The following BDNF variants were observed in gnomAD, a reference collection of about 807,000 sequenced individuals.
BDNF encodes neurotrophic factor BDNF precursor form.
BDNF carries 1 observed loss-of-function variant against 19.5 expected under a neutral mutation model. The ratio of observed to expected loss-of-function variants is 0.05; its 90% CI spans 0.02 to 0.24. The LOEUF (loss-of-function observed/expected upper bound fraction) is 0.24. Ranked by LOEUF, BDNF falls within the 10% of genes least tolerant of loss-of-function variation. BDNF has a pLI of 1.00. For synonymous variants in BDNF, 100 were observed against 121.6 expected (o/e 0.82, Z 1.17); for missense variants, 195 against 317.6 (o/e 0.61, Z 2.93).
chr11:27,696,852 C>G (rs896499995), intron 1 of BDNF, among the ~76,000 whole-genome samples: 23 of 152,166 alleles, frequency 1.5e-4, no homozygotes, highest in African/African-American at 5.1e-4. Context: ...ATTATGGGCA[C>G]CTGAAATGGG....
intron 1 of BDNF, chr11:27,674,357 A>G (rs1855815132): frequency 6.5e-7 from 1 of 1,528,408 alleles, no homozygotes; most frequent in Admixed American, 2.0e-5. Flanking sequence ...AAAGCACAGG[A>G]AAGTGCTCAT....
At chr11:27,699,380 A>C (rs1590455841) in intron 1 of BDNF, 8 of 1,614,004 alleles carry the variant, frequency 5.0e-6, no homozygotes, top group Non-Finnish European at 6.8e-6. Flanking sequence ...TAACTCACTC[A>C]CCCATTCCTC....
upstream of BDNF, chr11:27,701,448 C>T: frequency 9.8e-6 from 10 of 1,021,004 alleles, no homozygotes; most frequent in Non-Finnish European, 1.2e-5. Context: ...CCGGTATGTA[C>T]TCCTTCTGTT....
In BDNF at chr11:27,667,565, G is replaced by T. The variant is rs149234325; in HGVS notation, c.-21-8980C>A. ...GCACATAGGCTCAAAATAAAGGGAT[G>T]GAGGAAGATCTACCAAGGAAATGGA... On this transcript the variant is annotated intron_variant, in intron 1 of 1. Coordinates refer to ENST00000356660, the MANE Select transcript of BDNF (RefSeq NM_001709.5). Among the ~76,000 whole-genome samples, 817 of 152,252 alleles carry T rather than the reference G, an allele frequency of 5.4e-3. 3 individuals are homozygous for T. The highest frequency in any genetic ancestry group is 0.018 in the African/African-American group (727 of 41,534).
chr11:27,688,809 C>A (rs1278972262), intron 1 of BDNF, among the ~76,000 whole-genome samples: 1 of 152,222 alleles, frequency 6.6e-6, no homozygotes, highest in African/African-American at 2.4e-5. Context: ...CACCCACCTT[C>A]TGCATTGATC....
chr11:27,712,927 C>CTTTTTT (rs112937534), intron 1 of BDNF, among the ~76,000 whole-genome samples: 1 of 117,278 alleles, frequency 8.5e-6, no homozygotes, highest in Non-Finnish European at 1.8e-5. Context: ...TTCTTTCTTT[C>CTTTTTT]TTTTTTTTTT....
chr11:27,701,086 G>C (rs1859872210), upstream of BDNF: 1 of 1,326,416 alleles, frequency 7.5e-7, no homozygotes. Context: ...CTTAAACAGA[G>C]TTCGCGCACT....
chr11:27,720,009 T>C (rs1860687726), intron 1 of BDNF, among the ~76,000 whole-genome samples: 2 of 151,988 alleles, frequency 1.3e-5, no homozygotes. Context: ...GTAATGAATC[T>C]ACTGTACACA....
chr11:27,713,030 C>T (rs1413877208), intron 1 of BDNF, among the ~76,000 whole-genome samples: 2 of 149,812 alleles, frequency 1.3e-5, no homozygotes, highest in Admixed American at 6.7e-5. Flanking sequence ...ACCTCAGCCT[C>T]CCAAGTAGCT....
chr11:27,700,297 T>G lies in BDNF; in HGVS notation c.-155A>C. On this transcript the variant is annotated 5_prime_UTR_variant, in exon 1 of 2. Transcript: ENST00000356660. Reference sequence around the variant, plus strand: ...CGGCCCCACAGCAGCGGTGGGTGTCTCATTAAAGCCCCCCGAGCAGGAGGT... The same window carrying G: ...CGGCCCCACAGCAGCGGTGGGTGTCGCATTAAAGCCCCCCGAGCAGGAGGT... 1.0e-6 allele frequency: 1 copy of G among 984,802 alleles called. No individual in the cohort carries two copies. The highest frequency in any genetic ancestry group is 1.2e-6 in the Non-Finnish European group (1 of 829,774). 61.0% of individuals were successfully genotyped at this position (984,802 alleles called of 1,614,324 possible).
At chr11:27,672,900 C>A (rs892338857) in intron 1 of BDNF, among the ~76,000 whole-genome samples, 1 of 152,124 alleles carries the variant, frequency 6.6e-6, no homozygotes. Flanking sequence ...ACTGTTCAGG[C>A]TTTTTACGAA....
At chr11:27,714,523 T>A (rs1452004000) in intron 1 of BDNF, among the ~76,000 whole-genome samples, 1 of 152,160 alleles carries the variant, frequency 6.6e-6, no homozygotes, top group Non-Finnish European at 1.5e-5. Flanking sequence ...AAATTTGAGA[T>A]CATTCTCTAA....
intron 1 of BDNF, among the ~76,000 whole-genome samples, chr11:27,697,158 CACACACAGAGAGAGAGAG>C (rs1859143520): frequency 8.8e-6 from 1 of 113,578 alleles, no homozygotes; most frequent in African/African-American, 2.9e-5. Context: ...CACACACACA[CACACACAGAGAGAGAGAG>C]AGAGAGAGAG....
At chr11:27,718,367 C>T (rs1403266060) in intron 1 of BDNF, among the ~76,000 whole-genome samples, 17 of 147,412 alleles carry the variant, frequency 1.2e-4, no homozygotes, top group Admixed American at 1.1e-3. Context: ...CCCCCCCGCC[C>T]CTCCCGGGAT....
At chr11:27,713,643 C>T (rs944946412) in intron 1 of BDNF, among the ~76,000 whole-genome samples, 9 of 152,300 alleles carry the variant, frequency 5.9e-5, no homozygotes, top group East Asian at 1.9e-4. Flanking sequence ...GATAGCATAA[C>T]ATTATAACAT....
intron 1 of BDNF, among the ~76,000 whole-genome samples, chr11:27,692,957 T>G (rs1169346942): frequency 1.3e-5 from 2 of 152,190 alleles, no homozygotes; most frequent in Non-Finnish European, 2.9e-5. Context: ...TTAGAATTCT[T>G]CTCAACCCAA....
At chr11:27,701,549 G>C, upstream of BDNF, 1 of 987,732 alleles carries the variant, frequency 1.0e-6, no homozygotes, top group Non-Finnish European at 1.2e-6. Flanking sequence ...ATTTGATCTC[G>C]GCAGAGGCAG....
At chr11:27,702,911 T>C (rs1174468748), upstream of BDNF, among the ~76,000 whole-genome samples, 1 of 152,164 alleles carries the variant, frequency 6.6e-6, no homozygotes, top group Non-Finnish European at 1.5e-5. Flanking sequence ...ACCCCCTAAG[T>C]GAAGCTATCT....
At chr11:27,670,239 A>T (rs1855127603) in intron 1 of BDNF, among the ~76,000 whole-genome samples, 2 of 152,200 alleles carry the variant, frequency 1.3e-5, no homozygotes, top group Non-Finnish European at 2.9e-5. Flanking sequence ...CCTTCTTTAC[A>T]CCTTATACAA....
Sources: allele counts gnomAD v4.1 joint callset (sites outside exome capture counted in the v4.1 genomes callset), GRCh38; gene constraint gnomAD v4.1.1; transcripts MANE v1.5; gene names NCBI Gene and HGNC (gene_info 2026-07-23, HGNC 2026-07-21).